Variants in NR4A1 observed in about 807,000 individuals in gnomAD.
The protein encoded by NR4A1 is nuclear receptor subfamily 4immunitygroup A member 1.
Under a neutral mutation model 47.5 loss-of-function variants are expected in NR4A1, and 24 were observed. The observed-to-expected ratio is 0.50, with a 90% CI of 0.37 to 0.71. The LOEUF (loss-of-function observed/expected upper bound fraction) is 0.71, where lower values mean the gene tolerates loss of function less well. Among genes scored for constraint, NR4A1 ranks in the 30% least tolerant of loss-of-function variants. The probability of loss-of-function intolerance (pLI) is 0.00; values close to 1 mark genes in which losing one functional copy is unlikely to be tolerated. For synonymous variants in NR4A1, 353 were observed against 345.7 expected (o/e 1.02, Z -0.24); for missense variants, 669 against 788.6 (o/e 0.85, Z 1.82).
chr12:52,034,901 C>G (rs1448956982), intron 1 of NR4A1, among the ~76,000 whole-genome samples: 1 of 152,226 alleles, frequency 6.6e-6, no homozygotes, highest in African/African-American at 2.4e-5. Context: ...ATGTGCCAGA[C>G]TCCGCTTCAT....
At chr12:52,056,278 C>A in intron 3 of NR4A1, 119 bp downstream of exon 3, 1 of 1,438,660 alleles carries the variant, frequency 7.0e-7, no homozygotes, top group Non-Finnish European at 9.3e-7. Context: ...ATTTCCACCC[C>A]ACCTCTGAAC....
intron 1 of NR4A1, chr12:52,041,692 C>T (rs1938444565): frequency 2.6e-6 from 3 of 1,142,180 alleles, no homozygotes; most frequent in African/African-American, 1.6e-5. Flanking sequence ...GGCTTGTCCC[C>T]CTCTTGTGGC....
At chr12:52,054,266 A>T in intron 1 of NR4A1, 61 bp from the exon 2 acceptor site, 1 of 1,417,294 alleles carries the variant, frequency 7.1e-7, no homozygotes, top group East Asian at 2.3e-5. Context: ...ACTTTGAGAC[A>T]AGGCTATAGG....
intron 2 of NR4A1, 120 bp downstream of exon 2, chr12:52,055,324 G>A (rs1312729847): frequency 2.2e-6 from 3 of 1,365,074 alleles, no homozygotes; most frequent in Non-Finnish European, 3.0e-6. Flanking sequence ...CCTGCAGGGT[G>A]GGATCAGCCC....
intron 1 of NR4A1, chr12:52,041,713 C>T: frequency 8.2e-7 from 1 of 1,214,490 alleles, no homozygotes. Context: ...CTAGGTCCTG[C>T]CACTGCTCCC....
At chr12:52,033,137 C>G (rs1405499098) in intron 1 of NR4A1, among the ~76,000 whole-genome samples, 1 of 152,220 alleles carries the variant, frequency 6.6e-6, no homozygotes, top group Non-Finnish European at 1.5e-5. Flanking sequence ...GCGGCTCCCT[C>G]CGGACTGGCT....
chr12:52,036,935 C>T (rs1443693121), intron 1 of NR4A1, among the ~76,000 whole-genome samples: 2 of 152,226 alleles, frequency 1.3e-5, no homozygotes, highest in African/African-American at 4.8e-5. Context: ...CCTCGGCACC[C>T]TCACCTGAGA....
intron 1 of NR4A1, chr12:52,053,858 A>G (rs1232926122): frequency 6.0e-6 from 1 of 166,084 alleles, no homozygotes; most frequent in African/African-American, 2.4e-5. Flanking sequence ...GCCTGGGAGT[A>G]TTCCCAGGAA....
At chr12:52,028,930 A>G (rs1219692143) in intron 1 of NR4A1, among the ~76,000 whole-genome samples, 3 of 151,992 alleles carry the variant, frequency 2.0e-5, no homozygotes, top group Admixed American at 2.0e-4. Flanking sequence ...ACAAAAACAA[A>G]AAGACCAAAA....
intron 1 of NR4A1, among the ~76,000 whole-genome samples, chr12:52,023,568 C>T (rs538635190): frequency 6.6e-6 from 1 of 152,136 alleles, no homozygotes; most frequent in African/African-American, 2.4e-5. Context: ...CGCCCCCACC[C>T]CGCCTCCATC....
chr12:52,057,676 TA>T, intron 6 of NR4A1, 146 bp downstream of exon 6: 1 of 860,164 alleles, frequency 1.2e-6, no homozygotes, highest in South Asian at 1.8e-5. Flanking sequence ...ATGCCAGCAG[TA>T]AAGTAGGGAC....
chr12:52,057,060 C>T lies in NR4A1; in HGVS notation c.1162C>T (p.Gln388Ter). The T allele has an allele frequency of 1.3e-6, 2 of 1,597,336 alleles. No individual in the cohort carries two copies. Among genetic ancestry groups the T allele is most frequent in the Non-Finnish European group, 1.7e-6 (2 of 1,171,344 alleles). Residue 388 changes from glutamine (Q) to a stop codon, truncating the protein, a stop_gained, in exon 5 of 7, where the codon CAG (glutamine) becomes TAG (stop). Coordinates refer to ENST00000394825, the MANE Select transcript of NR4A1 (RefSeq NM_173157.3). LOFTEE classifies it high-confidence loss of function. Reference sequence around the variant, plus strand: ...CCCCACTGGACCGTCTTCCTAGTTCCAGGAGCTGGTGCTGCCCCACTTTGG... The same window carrying T: ...CCCCACTGGACCGTCTTCCTAGTTCTAGGAGCTGGTGCTGCCCCACTTTGG... Reference protein sequence around the residue: ...STAKLDYSKFQELVLPHFGKE... With the variant: ...STAKLDYSKF
At chr12:52,041,994 G>A (rs945505483) in intron 2 of NR4A1, 6 of 1,262,800 alleles carry the variant, frequency 4.8e-6, no homozygotes, top group Non-Finnish European at 6.0e-6. Context: ...GCAGAGGTGG[G>A]GGTGGAGCTG....
chr12:52,052,437 C>T lies in NR4A1; in HGVS notation c.-3+869C>T, dbSNP rs539487496. The T allele has an allele frequency of 2.5e-5, 24 of 976,666 alleles. No homozygotes were observed. The East Asian group carries it at 2.6e-3, about 107-fold the overall frequency. The allele number at this position is 976,666 out of a possible 1,614,324, so 60.5% of individuals were successfully genotyped here. On this transcript the variant is annotated intron_variant, in intron 1 of 6. Transcript: ENST00000394825. ...AGAGGATACCTCCCAACCATTCCAG[C>T]TCCAGATGCTGATCATCCCTATGCC...
chr12:52,040,044 A>G (rs1370013953), intron 1 of NR4A1, among the ~76,000 whole-genome samples: 1 of 152,062 alleles, frequency 6.6e-6, no homozygotes, highest in East Asian at 1.9e-4. Flanking sequence ...CTCCAAGCCC[A>G]CTCAGCCTTT....
At position 52,054,367 on chromosome 12, in the gene NR4A1, G is replaced by T. The variant is rs757798452; in HGVS notation, c.39G>T (p.Pro13=). 2.5e-5 allele frequency: 40 copies of T among 1,613,274 alleles called. No individual in the cohort carries two copies. Among genetic ancestry groups the T allele is most frequent in the Non-Finnish European group, 3.4e-5 (40 of 1,179,690 alleles). ...AAGCCCAATATGGGACACCAGCACCGAGTCCGGGACCCCGTGACCACCTGG... is the reference window on the plus strand; with the variant it reads ...AAGCCCAATATGGGACACCAGCACCTAGTCCGGGACCCCGTGACCACCTGG... ...CIQAQYGTPA[P]SPGPRDHLAS... The change falls in exon 2 of 7, where the codon CCG becomes CCT. Residue 13 remains proline, a synonymous_variant. Coordinates refer to ENST00000394825, the MANE Select transcript of NR4A1 (RefSeq NM_173157.3).
At chr12:52,039,070 C>T (rs1331287831) in intron 1 of NR4A1, among the ~76,000 whole-genome samples, 2 of 152,220 alleles carry the variant, frequency 1.3e-5, no homozygotes, top group Non-Finnish European at 2.9e-5. Context: ...GCTGTGTGAC[C>T]TTGGGCAAGT....
At chr12:52,043,343 G>T in intron 2 of NR4A1, 1 of 168,252 alleles carries the variant, frequency 5.9e-6, no homozygotes, top group Non-Finnish European at 1.3e-5. Flanking sequence ...TGAGCACTCA[G>T]CCCTCCCTCT....
chr12:52,056,016 G>T lies in NR4A1; in HGVS notation c.877-14G>T. ...ACACTCTGACAGCTTGTTCCGTGTT[G>T]CCCCCCCACCCAGCGCACAGTGCAG... On this transcript the variant is annotated splice_polypyrimidine_tract_variant and intron_variant, in intron 2 of 6. Coordinates refer to ENST00000394825, the MANE Select transcript of NR4A1 (RefSeq NM_173157.3). 2.5e-5 allele frequency: 23 copies of T among 906,424 alleles called. No homozygotes were observed. Among genetic ancestry groups the T allele is most frequent in the African/African-American group, 6.8e-5 (3 of 44,244 alleles). The allele number at this position is 906,424 out of a possible 1,614,324, so 56.1% of individuals were successfully genotyped here. A position where few individuals can be genotyped will look rare whatever the true frequency, so the allele number is the denominator to read the frequency against.
Sources: allele counts gnomAD v4.1 joint callset (sites outside exome capture counted in the v4.1 genomes callset), GRCh38; gene constraint gnomAD v4.1.1; transcripts MANE v1.5; gene names NCBI Gene and HGNC (gene_info 2026-07-23, HGNC 2026-07-21).